DPP9: variants seen among roughly 807,000 people sequenced by gnomAD.
The protein encoded by DPP9 is dipeptidyl peptidase IV-related protein-2.
Under a neutral mutation model 110.7 loss-of-function variants are expected in DPP9, and 50 were observed. The ratio of observed to expected loss-of-function variants is 0.45; its 90% CI spans 0.36 to 0.57. The LOEUF (loss-of-function observed/expected upper bound fraction) is 0.57. Among genes scored for constraint, DPP9 ranks in the 20% least tolerant of loss-of-function variants. DPP9 has a pLI of 0.00. For missense variants in DPP9, 1,022 were observed against 1,217.9 expected, an observed-to-expected ratio of 0.84 and a Z score of 2.39; for synonymous variants, 561 against 514.4, an observed-to-expected ratio of 1.09 and a Z score of -1.23.
intron 20 of DPP9, among the ~76,000 whole-genome samples, chr19:4,681,906 G>A (rs2145341998): frequency 6.9e-6 from 1 of 145,104 alleles, no homozygotes; most frequent in African/African-American, 2.6e-5. Flanking sequence ...TAGTGCAGTG[G>A]CGCACGATCT....
intron 3 of DPP9, chr19:4,719,642 A>G (rs1380896273): frequency 1.1e-5 from 7 of 629,020 alleles, no homozygotes; most frequent in Admixed American, 2.7e-5. Context: ...CCCAGAGAAC[A>G]TTCCAGCCCC....
chr19:4,694,572 A>AG lies in DPP9; in HGVS notation c.1516+88dup. The AG allele has an allele frequency of 6.7e-7, 1 of 1,482,564 alleles. No individual in the cohort carries two copies. The highest frequency in any genetic ancestry group is 9.1e-7 in the Non-Finnish European group (1 of 1,099,024). 91.8% of individuals were successfully genotyped at this position (1,482,564 alleles called of 1,614,324 possible). On this transcript the variant is annotated intron_variant, in intron 13 of 21. Transcript: ENST00000262960. This position sits in a 1 kb window ranked among gnomAD's most constrained non-coding sequence, Gnocchi z 4.0. The stretch of plus-strand genomic sequence containing the variant: ...CTTCTCCCGCAGGGTGTGCTGGCTG[A>AG]GTGGGGGGGCCGACCAATGAACAAA...
intron 16 of DPP9, among the ~76,000 whole-genome samples, chr19:4,686,410 C>G (rs1045819824): frequency 1.1e-4 from 16 of 151,470 alleles, no homozygotes; most frequent in African/African-American, 3.9e-4. Context: ...ACTTGCACCT[C>G]CTGGGTTTGA....
chr19:4,683,340 G>A, intron 19 of DPP9, 137 bp downstream of exon 19: 2 of 1,475,714 alleles, frequency 1.4e-6, no homozygotes, highest in Non-Finnish European at 1.8e-6. Context: ...GGGAGAAACA[G>A]CCACGTGGCA....
chr19:4,701,185 G>A (rs1019971323), intron 9 of DPP9, among the ~76,000 whole-genome samples: 4 of 152,206 alleles, frequency 2.6e-5, no homozygotes, highest in Admixed American at 6.5e-5. Flanking sequence ...AGAATTGGGA[G>A]TGGCCGGGCG....
chr19:4,691,569 T>C (rs1351863804), intron 13 of DPP9, among the ~76,000 whole-genome samples: 2 of 147,064 alleles, frequency 1.4e-5, no homozygotes, highest in African/African-American at 5.1e-5. Context: ...AAAGGCCACA[T>C]GACATCTGTG....
At position 4,695,663 on chromosome 19, in the gene DPP9, G is replaced by A; in HGVS notation, c.1176-108C>T. The A allele has an allele frequency of 1.0e-6, 1 of 968,682 alleles. No individual in the cohort carries two copies. The highest frequency in any genetic ancestry group is 1.4e-6 in the Non-Finnish European group (1 of 699,136). The allele number at this position is 968,682 out of a possible 1,614,324, so 60.0% of individuals were successfully genotyped here. ...CAAACCCGTGTGGAATCAGGGCTGG[G>A]CTTCCTGCGCTGGCTTCACCTGCAC... On this transcript the variant is annotated intron_variant, in intron 11 of 21. Transcript: ENST00000262960. The surrounding 1 kb of genome is among the most constrained non-coding windows in gnomAD (Gnocchi z 4.7).
rs896641764 is a variant in DPP9 at position 4,685,495 on chromosome 19, G to A, written c.2031+131C>T. On this transcript the variant is annotated intron_variant, in intron 17 of 21. Transcript: ENST00000262960. The surrounding 1 kb of genome is among the most constrained non-coding windows in gnomAD (Gnocchi z 5.8). ...CCTGTGTAGTCAGGGCAGGCGGGGT[G>A]GGCTGGGGCACCAGGCAGGTAGCCG... 1.1e-5 allele frequency: 11 copies of A among 1,044,298 alleles called. No homozygotes were observed. The highest frequency in any genetic ancestry group is 1.5e-5 in the Non-Finnish European group (11 of 712,942). The allele number at this position is 1,044,298 out of a possible 1,614,324, so 64.7% of individuals were successfully genotyped here.
intron 9 of DPP9, 77 bp downstream of exon 9, chr19:4,701,950 G>A (rs1006927808): frequency 1.0e-5 from 16 of 1,556,596 alleles, no homozygotes; most frequent in Non-Finnish European, 1.3e-5. Flanking sequence ...AGGGCCTGGG[G>A]GACAGTGCAC....
In DPP9 at chr19:4,695,177, G is replaced by T; in HGVS notation, c.1353+201C>A. On this transcript the variant is annotated intron_variant, in intron 12 of 21. Transcript: ENST00000262960. This position sits in a 1 kb window ranked among gnomAD's most constrained non-coding sequence, Gnocchi z 4.7. The stretch of plus-strand genomic sequence containing the variant: ...TTAAAGAAAAAAATAGATGAGGGGA[G>T]AGGCTCCAATGGCTGCCAGACTCAC... 1.7e-6 allele frequency: 1 copy of T among 591,502 alleles called. No homozygotes were observed. Among genetic ancestry groups the T allele is most frequent in the East Asian group, 3.0e-5 (1 of 33,366 alleles). The allele number at this position is 591,502 out of a possible 1,614,324, so 36.6% of individuals were successfully genotyped here.
chr19:4,695,408 C>A lies in DPP9; in HGVS notation c.1323G>T (p.Val441=). The change falls in exon 12 of 22, where the codon GTG becomes GTT. Residue 441 remains valine (V), a synonymous_variant. Transcript: ENST00000262960. This position sits in a 1 kb window ranked among gnomAD's most constrained non-coding sequence, Gnocchi z 4.7. ...AVPRNVQPYV[V]YEEVTNVWIN... ...TCCAGACGTTGGTGACCTCCTCGTA[C>A]ACCACATACGGCTGGACATTCCTGG... 1 of 1,591,782 alleles carries A rather than the reference C, an allele frequency of 6.3e-7. No homozygotes were observed. Among genetic ancestry groups the A allele is most frequent in the Non-Finnish European group, 8.6e-7 (1 of 1,169,086 alleles).
At chr19:4,681,581 T>C (rs1357395114) in intron 20 of DPP9, among the ~76,000 whole-genome samples, 2 of 151,816 alleles carry the variant, frequency 1.3e-5, no homozygotes, top group Non-Finnish European at 1.5e-5. Flanking sequence ...ATTATTATTG[T>C]TTTGAGACAG....
chr19:4,676,679 G>A lies in DPP9; in HGVS notation c.2587-23C>T. 2 of 1,576,170 alleles carry A rather than the reference G, an allele frequency of 1.3e-6. No homozygotes were observed. The highest frequency in any genetic ancestry group is 1.2e-5 in the South Asian group (1 of 86,796). ...GATCTGCGGGGAGACAGGAGGCAGG[G>A]CTGGGGGGCGTGGCCGGACCACCCC... On this transcript the variant is annotated intron_variant, in intron 21 of 21. Transcript: ENST00000262960. The surrounding 1 kb of genome is among the most constrained non-coding windows in gnomAD (Gnocchi z 4.0).
rs778458517 is a variant in DPP9 at position 4,718,547 on chromosome 19, A to C, written c.56+1304T>G. ...TGCAAGTGGGGGCTGCCGGGGAAAC[A>C]GCATGCCACCCTCTGTCCTACCCAA... On this transcript the variant is annotated intron_variant, in intron 3 of 21. Transcript: ENST00000262960. The surrounding 1 kb of genome is among the most constrained non-coding windows in gnomAD (Gnocchi z 4.3). Among the ~76,000 whole-genome samples the C allele has an allele frequency of 2.0e-5, 3 of 152,212 alleles. No individual in the cohort carries two copies. Among genetic ancestry groups the C allele is most frequent in the Non-Finnish European group, 2.9e-5 (2 of 68,018 alleles).
At chr19:4,714,471 A>T in intron 3 of DPP9, 134 bp from the exon 4 acceptor site, 1 of 1,178,450 alleles carries the variant, frequency 8.5e-7, no homozygotes. Context: ...CTCCCTAAAC[A>T]CTTCTTGGGT....
Position 4,700,110 on chromosome 19 carries a change from G to C in DPP9, c.1074+106C>G, listed in dbSNP as rs1236124017. The C allele has an allele frequency of 7.9e-6, 7 of 882,752 alleles. No homozygotes were observed. The Admixed American group carries it at 8.7e-5, about 11-fold the overall frequency. 54.7% of individuals were successfully genotyped at this position (882,752 alleles called of 1,614,324 possible). On this transcript the variant is annotated intron_variant, in intron 10 of 21. Coordinates refer to ENST00000262960, the MANE Select transcript of DPP9 (RefSeq NM_139159.5). This position sits in a 1 kb window ranked among gnomAD's most constrained non-coding sequence, Gnocchi z 4.3. ...GGGCGGCAGGGCTGGGGCCTGGGGA[G>C]TGCCCCCGAGAGGGAGGTGAGTGAC...
chr19:4,706,000 G>T, intron 4 of DPP9, 30 bp from the exon 5 acceptor site: 2 of 1,594,882 alleles, frequency 1.3e-6, no homozygotes, highest in East Asian at 2.2e-5. Flanking sequence ...ACCCAGAACG[G>T]GTACCCTGGC....
intron 20 of DPP9, among the ~76,000 whole-genome samples, chr19:4,681,300 C>G (rs1471071924): frequency 1.3e-5 from 2 of 152,120 alleles, no homozygotes; most frequent in Non-Finnish European, 1.5e-5. Context: ...CTGTTAGGTT[C>G]TGTGAATTTC....
At chr19:4,708,549 C>T (rs1186738781) in intron 4 of DPP9, among the ~76,000 whole-genome samples, 5 of 152,128 alleles carry the variant, frequency 3.3e-5, no homozygotes, top group African/African-American at 9.7e-5. Context: ...AATCCATCAA[C>T]GGTAGACTGG....
Sources: allele counts gnomAD v4.1 joint callset (sites outside exome capture counted in the v4.1 genomes callset), GRCh38; gene constraint gnomAD v4.1.1; non-coding constraint Gnocchi (gnomAD v3.1); transcripts MANE v1.5; gene names NCBI Gene and HGNC (gene_info 2026-07-23, HGNC 2026-07-21).